Variants in IDH1 observed in about 807,000 individuals in gnomAD.
The protein encoded by IDH1 is isocitrate dehydrogenase (NADP(+)) 1.
In IDH1, 33 loss-of-function variants were observed where a neutral mutation model predicts 46.1. That is an observed-to-expected ratio of 0.72 (90% CI 0.54 to 0.96). The LOEUF is 0.96. Among genes scored for constraint, IDH1 ranks in the 40% least tolerant of loss-of-function variants. The pLI, the probability that IDH1 is intolerant of heterozygous loss-of-function variation, is 0.00. For missense variants in IDH1, 421 were observed against 515.7 expected, an observed-to-expected ratio of 0.82 and a Z score of 1.78; for synonymous variants, 144 against 172.8, an observed-to-expected ratio of 0.83 and a Z score of 1.31.
In IDH1 at chr2:208,248,599, C is replaced by T. The variant is rs144593536; in HGVS notation, c.184G>A (p.Glu62Lys). 58 of 1,614,042 alleles carry T rather than the reference C, an allele frequency of 3.6e-5. No individual in the cohort carries two copies. Among genetic ancestry groups the T allele is most frequent in the South Asian group, 1.6e-4 (15 of 91,088 alleles). Residue 62 changes from glutamate to lysine, a missense_variant, in exon 4 of 10, where the codon GAA (glutamate) becomes AAA (lysine). By Grantham distance (56) the Glu-to-Lys change is moderately conservative. Transcript: ENST00000345146. ...TNDQVTKDAA[E>K]AIKKHNVGVK... is the part of the protein sequence containing the mutation. ...CCAACATTATGCTTCTTTATAGCTTCTGCAGCATCCTTGGTGACTTGGTCG... is the reference window on the plus strand; with the variant it reads ...CCAACATTATGCTTCTTTATAGCTTTTGCAGCATCCTTGGTGACTTGGTCG...
At position 208,239,369 on chromosome 2, in the gene IDH1, G is replaced by C. The variant is rs796552054; in HGVS notation, c.992-136C>G. 10 of 827,204 alleles carry C rather than the reference G, an allele frequency of 1.2e-5. No individual in the cohort carries two copies. In the East Asian group the frequency reaches 1.3e-4, roughly 11 times the overall value. 51.2% of individuals were successfully genotyped at this position (827,204 alleles called of 1,614,324 possible). A position where few individuals can be genotyped will look rare whatever the true frequency, so the allele number is the denominator to read the frequency against. ...CTTTAGATACTAACCACATGGGCTA[G>C]AAGTTTTAGGAGAGTTAGAAATATT... On this transcript the variant is annotated intron_variant, in intron 8 of 9. Coordinates refer to ENST00000345146, the MANE Select transcript of IDH1 (RefSeq NM_005896.4).
intron 5 of IDH1, 60 bp from the exon 6 acceptor site, chr2:208,243,664 A>T: frequency 4.3e-6 from 6 of 1,383,568 alleles, no homozygotes; most frequent in Non-Finnish European, 6.1e-6. Flanking sequence ...ATGTAGTTGT[A>T]ATAAGGCTAA....
At chr2:208,243,352 G>T in intron 6 of IDH1, 75 bp downstream of exon 6, 2 of 1,097,358 alleles carry the variant, frequency 1.8e-6, no homozygotes, top group Admixed American at 1.7e-5. Flanking sequence ...CATAGGGATA[G>T]GGAGATACAT....
intron 4 of IDH1, 122 bp from the exon 5 acceptor site, chr2:208,245,546 CTTTTT>C (rs34363027): frequency 5.3e-5 from 18 of 337,318 alleles, no homozygotes; most frequent in Non-Finnish European, 6.5e-5. Context: ...TGTCAAACTT[CTTTTT>C]TTTTTTTTTT....
intron 4 of IDH1, 115 bp from the exon 5 acceptor site, chr2:208,245,539 CAAA>C: frequency 2.7e-6 from 1 of 376,390 alleles, no homozygotes; most frequent in East Asian, 5.9e-5. Context: ...GGCAGTATGT[CAAA>C]CTTCTTTTTT....
intron 6 of IDH1, among the ~76,000 whole-genome samples, chr2:208,242,869 AT>A (rs966542175): frequency 6.7e-6 from 1 of 149,924 alleles, no homozygotes; most frequent in African/African-American, 2.5e-5. Flanking sequence ...GGTTCACGCC[AT>A]TCTCCTGCCT....
Position 208,251,395 on chromosome 2 carries a change from T to C in IDH1, c.122+35A>G, listed in dbSNP as rs772662700. 4.3e-6 allele frequency: 7 copies of C among 1,610,812 alleles called. No individual in the cohort carries two copies. The Admixed American group carries it at 5.0e-5, about 12-fold the overall frequency. Reference sequence around the variant, plus strand: ...CACCATGCCCAGCCAGATTATCCTTTCTGAGTTTGCTACACGGAGGGGTAA... The same window carrying C: ...CACCATGCCCAGCCAGATTATCCTTCCTGAGTTTGCTACACGGAGGGGTAA... On this transcript the variant is annotated intron_variant, in intron 3 of 9. Coordinates refer to ENST00000345146, the MANE Select transcript of IDH1 (RefSeq NM_005896.4).
In IDH1 at chr2:208,239,846, T is replaced by C. The variant is rs751010715; in HGVS notation, c.991+17A>G. ...AGAGCACTCTCTGGTGAGAAATCAA[T>C]GTAAACACCATCTTACCAATGGGAT... On this transcript the variant is annotated intron_variant, in intron 8 of 9. Transcript: ENST00000345146. 6.2e-7 allele frequency: 1 copy of C among 1,614,002 alleles called. No homozygotes were observed. Among genetic ancestry groups the C allele is most frequent in the South Asian group, 1.1e-5 (1 of 91,080 alleles).
chr2:208,252,558 A>G (rs1311194397), intron 2 of IDH1, among the ~76,000 whole-genome samples: 1 of 152,238 alleles, frequency 6.6e-6, no homozygotes, highest in African/African-American at 2.4e-5. Flanking sequence ...CCTTCTAATG[A>G]TGCTCTAATC....
chr2:208,242,914 G>A (rs1038410633), intron 6 of IDH1, among the ~76,000 whole-genome samples: 10 of 151,962 alleles, frequency 6.6e-5, no homozygotes, highest in African/African-American at 9.7e-5. Flanking sequence ...AGAGGCGCCC[G>A]CCACCACGCC....
intron 3 of IDH1, among the ~76,000 whole-genome samples, chr2:208,249,183 G>A (rs1034369192): frequency 2.0e-5 from 3 of 151,252 alleles, no homozygotes; most frequent in African/African-American, 7.3e-5. Flanking sequence ...GTCATAAAAT[G>A]AGCCTTTCCC....
chr2:208,253,269 C>A (rs1295275916), intron 2 of IDH1, among the ~76,000 whole-genome samples: 1 of 152,238 alleles, frequency 6.6e-6, no homozygotes, highest in African/African-American at 2.4e-5. Flanking sequence ...ATAATGCATA[C>A]TTCAGACGCT....
rs1687926180 is a variant in IDH1 at position 208,241,912 on chromosome 2, A to C, written c.850+82T>G. On this transcript the variant is annotated intron_variant, in intron 7 of 9. Transcript: ENST00000345146. ...TTAACATTCCAAGATTTTACAACAA[A>C]GGACTACAAAACTCCCCTTCCCAAA... The C allele has an allele frequency of 3.6e-6, 5 of 1,390,110 alleles. No individual in the cohort carries two copies. In the Admixed American group the frequency reaches 8.4e-5, roughly 23 times the overall value. The allele number at this position is 1,390,110 out of a possible 1,614,324, so 86.1% of individuals were successfully genotyped here. A position where few individuals can be genotyped will look rare whatever the true frequency, so the allele number is the denominator to read the frequency against.
chr2:208,237,218 T>A (rs1304111647), intron 9 of IDH1, 49 bp from the exon 10 acceptor site: 2 of 945,392 alleles, frequency 2.1e-6, no homozygotes, highest in Non-Finnish European at 3.4e-6. Context: ...TCTGATATGG[T>A]AGCAGGTAGT....
intron 4 of IDH1, chr2:208,247,921 T>A (rs1189791103): frequency 1.1e-5 from 2 of 182,274 alleles, no homozygotes; most frequent in African/African-American, 2.4e-5. Flanking sequence ...GAATTCAGAT[T>A]TTAATTTGTG....
chr2:208,238,496 T>G (rs1230793929), intron 9 of IDH1, among the ~76,000 whole-genome samples: 1 of 152,094 alleles, frequency 6.6e-6, no homozygotes, highest in East Asian at 1.9e-4. Context: ...CTCAGAAAAA[T>G]TCTCAGTAAA....
intron 1 of IDH1, among the ~76,000 whole-genome samples, 200 bp downstream of exon 1, chr2:208,254,739 A>G (rs1006266012): frequency 2.6e-5 from 4 of 151,852 alleles, no homozygotes; most frequent in Non-Finnish European, 5.9e-5. Context: ...CTGCATATCC[A>G]AGCATCCAGC....
chr2:208,244,322 C>T (rs537722428), intron 5 of IDH1, among the ~76,000 whole-genome samples: 41 of 152,190 alleles, frequency 2.7e-4, no homozygotes, highest in Non-Finnish European at 2.6e-4. Context: ...TTATAACTTA[C>T]GCAGCCTCAG....
intron 2 of IDH1, among the ~76,000 whole-genome samples, chr2:208,253,421 T>C (rs1455619443): frequency 1.3e-5 from 2 of 152,236 alleles, no homozygotes; most frequent in East Asian, 3.8e-4. Context: ...GAGGCCCCAC[T>C]GGACTGACTT....
Sources: allele counts gnomAD v4.1 joint callset (sites outside exome capture counted in the v4.1 genomes callset), GRCh38; gene constraint gnomAD v4.1.1; transcripts MANE v1.5; gene names NCBI Gene and HGNC (gene_info 2026-07-23, HGNC 2026-07-21).